Variants in SEMA6A observed in about 807,000 individuals in gnomAD.
SEMA6A encodes semaphorin-6A.
Under a neutral mutation model 96.8 loss-of-function variants are expected in SEMA6A, and 25 were observed. That is an observed-to-expected ratio of 0.26 (90% CI 0.19 to 0.36). The LOEUF is 0.36. SEMA6A is among the 10% of genes least tolerant of loss of function. The probability of loss-of-function intolerance (pLI) is 1.00; values close to 1 mark genes in which losing one functional copy is unlikely to be tolerated. For synonymous variants in SEMA6A, 612 were observed against 518.0 expected (o/e 1.18, Z -2.46); for missense variants, 1,363 against 1,323.1 (o/e 1.03, Z -0.47).
chr5:116,453,604 G>A (rs1240623598), intron 18 of SEMA6A, among the ~76,000 whole-genome samples: 2 of 152,188 alleles, frequency 1.3e-5, no homozygotes, highest in African/African-American at 4.8e-5. Flanking sequence ...AGGTTTAGAA[G>A]ATCTGCCACT....
At chr5:116,567,537 T>C (rs2112917676) in intron 1 of SEMA6A, among the ~76,000 whole-genome samples, 1 of 152,388 alleles carries the variant, frequency 6.6e-6, no homozygotes, top group South Asian at 2.1e-4. Context: ...ATTTTACAGA[T>C]GTTAGCACAT....
At chr5:116,519,155 T>C (rs1758809592) in intron 1 of SEMA6A, among the ~76,000 whole-genome samples, 1 of 152,228 alleles carries the variant, frequency 6.6e-6, no homozygotes, top group South Asian at 2.1e-4. Context: ...AAGTGCTGTG[T>C]TGAGCTCCAG....
intron 1 of SEMA6A, among the ~76,000 whole-genome samples, chr5:116,521,300 C>G (rs1259228945): frequency 6.6e-6 from 1 of 152,232 alleles, no homozygotes; most frequent in Non-Finnish European, 1.5e-5. Flanking sequence ...CAATGACACA[C>G]AGACCCCAGG....
chr5:116,500,145 G>A (rs153598), intron 3 of SEMA6A, among the ~76,000 whole-genome samples: 4 of 152,174 alleles, frequency 2.6e-5, no homozygotes, highest in Non-Finnish European at 4.4e-5. Context: ...GGTGACTACT[G>A]AGCATCTTAT....
chr5:116,561,716 G>A (rs1340381671), intron 1 of SEMA6A, among the ~76,000 whole-genome samples: 2 of 152,170 alleles, frequency 1.3e-5, no homozygotes, highest in Non-Finnish European at 2.9e-5. Context: ...TAGCAGCAAA[G>A]GCAATTACAT....
At chr5:116,523,587 C>T (rs1198965901) in intron 1 of SEMA6A, among the ~76,000 whole-genome samples, 1 of 152,134 alleles carries the variant, frequency 6.6e-6, no homozygotes, top group Non-Finnish European at 1.5e-5. Flanking sequence ...GTTGGGATTA[C>T]ATGCATGAGC....
intron 7 of SEMA6A, among the ~76,000 whole-genome samples, chr5:116,489,744 C>A (rs970279381): frequency 6.6e-6 from 1 of 152,146 alleles, no homozygotes; most frequent in South Asian, 2.1e-4. Flanking sequence ...GGGGGAGATA[C>A]GATTGAGGGT....
chr5:116,487,392 G>A (rs945596552), intron 9 of SEMA6A, among the ~76,000 whole-genome samples: 1 of 152,012 alleles, frequency 6.6e-6, no homozygotes, highest in Admixed American at 6.5e-5. Context: ...TCTACTCTCT[G>A]GTAAAAAGAA....
chr5:116,562,860 G>C, intron 1 of SEMA6A: 2 of 648,034 alleles, frequency 3.1e-6, no homozygotes, highest in Non-Finnish European at 5.9e-6. Flanking sequence ...CGGGCCACAG[G>C]AGGAAATAGG....
intron 11 of SEMA6A, among the ~76,000 whole-genome samples, chr5:116,482,126 G>A (rs991995760): frequency 3.3e-5 from 5 of 152,076 alleles, no homozygotes; most frequent in East Asian, 1.9e-4. Flanking sequence ...CCCAACCCCC[G>A]CTATTGAACT....
intron 1 of SEMA6A, among the ~76,000 whole-genome samples, chr5:116,524,474 C>T (rs745556333): frequency 6.6e-6 from 1 of 152,132 alleles, no homozygotes; most frequent in African/African-American, 2.4e-5. Flanking sequence ...GTCTCTCTGA[C>T]CATATCCAGT....
At chr5:116,466,059 TAAAAAAAAA>T (rs35801222) in intron 18 of SEMA6A, among the ~76,000 whole-genome samples, 1 of 93,660 alleles carries the variant, frequency 1.1e-5, no homozygotes, top group Admixed American at 1.2e-4. Context: ...AAAACCAGCT[TAAAAAAAAA>T]AAAAAAAAAA....
At chr5:116,553,511 A>G (rs1345187821) in intron 1 of SEMA6A, among the ~76,000 whole-genome samples, 1 of 152,234 alleles carries the variant, frequency 6.6e-6, no homozygotes, top group Non-Finnish European at 1.5e-5. Flanking sequence ...TGCCTGTGAC[A>G]GCAGCAAATG....
intron 1 of SEMA6A, among the ~76,000 whole-genome samples, chr5:116,570,797 T>A (rs1761180732): frequency 6.6e-6 from 1 of 152,246 alleles, no homozygotes; most frequent in African/African-American, 2.4e-5. Context: ...CCATTTCATA[T>A]AGGAGTGCAA....
At chr5:116,493,535 T>C (rs551424061) in intron 6 of SEMA6A, among the ~76,000 whole-genome samples, 1 of 152,302 alleles carries the variant, frequency 6.6e-6, no homozygotes, top group South Asian at 2.1e-4. Context: ...AACATCTTAA[T>C]TACGGAATTT....
At chr5:116,502,935 G>A (rs533374504) in intron 2 of SEMA6A, among the ~76,000 whole-genome samples, 2 of 152,354 alleles carry the variant, frequency 1.3e-5, no homozygotes, top group South Asian at 2.1e-4. Flanking sequence ...CAATTTCACA[G>A]AGATGTGGGC....
intron 7 of SEMA6A, 46 bp from the exon 8 acceptor site, chr5:116,489,053 T>C: frequency 6.6e-7 from 1 of 1,524,982 alleles, no homozygotes; most frequent in Non-Finnish European, 8.8e-7. Context: ...AGCAAGTCAG[T>C]GGGGGTGGAG....
At chr5:116,497,284 C>T in intron 4 of SEMA6A, 43 bp downstream of exon 4, 1 of 1,227,162 alleles carries the variant, frequency 8.1e-7, no homozygotes, top group Non-Finnish European at 1.2e-6. Flanking sequence ...AAGAACTATC[C>T]AAAGGTCCTT....
At chr5:116,459,696 A>G (rs1285154380) in intron 18 of SEMA6A, among the ~76,000 whole-genome samples, 2 of 152,100 alleles carry the variant, frequency 1.3e-5, no homozygotes, top group Non-Finnish European at 2.9e-5. Context: ...ACTTGGAATT[A>G]GTTGTGCCAC....
Sources: gnomAD v4.1 joint callset for allele counts (sites outside exome capture counted in the v4.1 genomes callset) on GRCh38, gnomAD v4.1.1 for gene constraint, MANE v1.5 for transcripts, NCBI Gene and HGNC (gene_info 2026-07-23, HGNC 2026-07-21) for gene names.